Variants in MLLT3 observed in about 807,000 individuals in gnomAD.
MLLT3 encodes the protein protein AF-9.
A neutral mutation model predicts 53.2 loss-of-function variants in MLLT3; 4 were observed. The observed-to-expected ratio is 0.08, with a 90% CI of 0.04 to 0.17. MLLT3 has a LOEUF of 0.17. Ranked by LOEUF, MLLT3 falls within the 10% of genes least tolerant of loss-of-function variation. MLLT3 has a pLI of 1.00. For synonymous variants in MLLT3, 283 were observed against 230.6 expected (o/e 1.23, Z -2.06); for missense variants, 569 against 684.0 (o/e 0.83, Z 1.87).
intron 2 of MLLT3, among the ~76,000 whole-genome samples, chr9:20,464,749 C>T (rs1415553220): frequency 1.3e-5 from 2 of 152,024 alleles, no homozygotes; most frequent in African/African-American, 2.4e-5. Context: ...AATCTAAAGC[C>T]TGTCCTTATA....
chr9:20,462,907 A>G (rs1009396640), intron 2 of MLLT3, among the ~76,000 whole-genome samples: 1 of 152,132 alleles, frequency 6.6e-6, no homozygotes, highest in Non-Finnish European at 1.5e-5. Flanking sequence ...AGCAAGCAGA[A>G]AGTGTGAACA....
At chr9:20,468,158 T>C (rs1824282146) in intron 2 of MLLT3, among the ~76,000 whole-genome samples, 1 of 152,226 alleles carries the variant, frequency 6.6e-6, no homozygotes, top group Admixed American at 6.5e-5. Flanking sequence ...GATAGTCCCT[T>C]AACTTTTAAA....
intron 2 of MLLT3, among the ~76,000 whole-genome samples, chr9:20,585,715 G>T (rs1819939039): frequency 6.6e-6 from 1 of 152,176 alleles, no homozygotes; most frequent in Non-Finnish European, 1.5e-5. Flanking sequence ...CTTTGGCAAG[G>T]TGTCGCAAAA....
At chr9:20,585,448 A>T (rs1331181228) in intron 2 of MLLT3, among the ~76,000 whole-genome samples, 1 of 152,190 alleles carries the variant, frequency 6.6e-6, no homozygotes, top group Non-Finnish European at 1.5e-5. Context: ...AAAAACAGTC[A>T]GTCCACAACG....
At chr9:20,481,098 C>G (rs983545086) in intron 2 of MLLT3, among the ~76,000 whole-genome samples, 1 of 152,130 alleles carries the variant, frequency 6.6e-6, no homozygotes, top group African/African-American at 2.4e-5. Context: ...TTATTTATGA[C>G]AGGAACCTCA....
At chr9:20,366,994 C>T (rs1486753342) in intron 5 of MLLT3, among the ~76,000 whole-genome samples, 2 of 152,370 alleles carry the variant, frequency 1.3e-5, no homozygotes, top group Non-Finnish European at 2.9e-5. Context: ...GGCCCAAGGC[C>T]ATGACCCAAC....
chr9:20,600,066 A>C (rs369013058), intron 2 of MLLT3, among the ~76,000 whole-genome samples: 25 of 150,026 alleles, frequency 1.7e-4, no homozygotes, highest in Non-Finnish European at 3.1e-4. Context: ...ATTCAGGATA[A>C]TTTTTTTAAA....
intron 10 of MLLT3, among the ~76,000 whole-genome samples, chr9:20,349,074 C>G (rs1318700614): frequency 6.6e-6 from 1 of 152,154 alleles, no homozygotes; most frequent in Admixed American, 6.5e-5. Context: ...AAATAACAAG[C>G]TGACCAGAAT....
intron 5 of MLLT3, among the ~76,000 whole-genome samples, chr9:20,384,828 C>T (rs529016121): frequency 5.3e-5 from 8 of 152,176 alleles, no homozygotes; most frequent in African/African-American, 1.9e-4. Flanking sequence ...GACTGATCTA[C>T]TTCTAAAAAT....
In MLLT3 at chr9:20,615,388, A is replaced by G. The variant is rs1399171928; in HGVS notation, c.193+5266T>C. Among the ~76,000 whole-genome samples, 8 of 146,470 alleles carry G rather than the reference A, an allele frequency of 5.5e-5. 1 individual carries two copies. The highest frequency in any genetic ancestry group is 2.0e-4 in the African/African-American group (8 of 40,112). On this transcript the variant is annotated intron_variant, in intron 2 of 10. Transcript: ENST00000380338. ...AAAAAAAAAAAAAAAAAAAAAAAAAAAAAAAAAAGAATGGATAGTAATAGT... is the reference window on the plus strand; with the variant it reads ...AAAAAAAAAAAAAAAAAAAAAAAAAGAAAAAAAAGAATGGATAGTAATAGT...
chr9:20,460,556 G>A (rs1327994224), intron 2 of MLLT3, among the ~76,000 whole-genome samples: 4 of 152,094 alleles, frequency 2.6e-5, no homozygotes, highest in Non-Finnish European at 4.4e-5. Flanking sequence ...CAATGAACAG[G>A]TCAGAAGGTA....
chr9:20,375,709 C>T (rs757045820), intron 5 of MLLT3, among the ~76,000 whole-genome samples: 4 of 150,892 alleles, frequency 2.7e-5, no homozygotes, highest in South Asian at 2.1e-4. Flanking sequence ...CCTGGGTTCA[C>T]GCCATTCTCC....
chr9:20,520,481 T>C (rs905581083), intron 2 of MLLT3, among the ~76,000 whole-genome samples: 3 of 152,164 alleles, frequency 2.0e-5, no homozygotes, highest in Non-Finnish European at 2.9e-5. Flanking sequence ...CTAAGTTCCA[T>C]CCTAAATGCT....
intron 2 of MLLT3, among the ~76,000 whole-genome samples, chr9:20,541,734 A>G (rs35632925): frequency 0.2 from 30,180 of 152,188 alleles, 3,057 homozygotes; most frequent in Middle Eastern, 0.24. Flanking sequence ...CATCTCAAAG[A>G]AACCACTTTT....
Position 20,342,831 on chromosome 9 carries a change from T to TGC in MLLT3, c.*3611_*3612insGC. The TGC allele has an allele frequency of 8.4e-6, 1 of 119,644 alleles. No homozygotes were observed. Among genetic ancestry groups the TGC allele is most frequent in the Non-Finnish European group, 1.6e-5 (1 of 63,792 alleles). The allele number at this position is 119,644 out of a possible 1,614,324, so 7.4% of individuals were successfully genotyped here. On this transcript the variant is annotated 3_prime_UTR_variant, in exon 11 of 11. Coordinates refer to ENST00000380338, the MANE Select transcript of MLLT3 (RefSeq NM_004529.4). ...AGCAAGATTACTCTGATAATATATA[T>TGC]GTGTATATATATATATATATGTATA...
chr9:20,398,131 G>T (rs150996085), intron 5 of MLLT3, among the ~76,000 whole-genome samples: 2 of 151,858 alleles, frequency 1.3e-5, no homozygotes, highest in Non-Finnish European at 2.9e-5. Context: ...TTTAGACAGG[G>T]TCTCACTCAG....
At chr9:20,374,958 G>C (rs915201569) in intron 5 of MLLT3, among the ~76,000 whole-genome samples, 1 of 152,136 alleles carries the variant, frequency 6.6e-6, no homozygotes, top group African/African-American at 2.4e-5. Context: ...TGATGGAATT[G>C]GTATCCTTGT....
intron 2 of MLLT3, among the ~76,000 whole-genome samples, chr9:20,538,677 A>C (rs1044284661): frequency 6.6e-6 from 1 of 152,254 alleles, no homozygotes; most frequent in African/African-American, 2.4e-5. Flanking sequence ...AAACTATATA[A>C]AATTAAAGAA....
chr9:20,478,762 G>C (rs1243338220), intron 2 of MLLT3, among the ~76,000 whole-genome samples: 1 of 152,150 alleles, frequency 6.6e-6, no homozygotes, highest in Non-Finnish European at 1.5e-5. Flanking sequence ...TGTTTAACAA[G>C]GGAGTTCTAC....
Sources: gnomAD v4.1 joint callset for allele counts (sites outside exome capture counted in the v4.1 genomes callset) on GRCh38, gnomAD v4.1.1 for gene constraint, MANE v1.5 for transcripts, NCBI Gene and HGNC (gene_info 2026-07-23, HGNC 2026-07-21) for gene names.